The following NRXN1 variants were observed in gnomAD, a reference collection of about 807,000 sequenced individuals.
NRXN1 encodes the protein neurexin-1.
A neutral mutation model predicts 150.9 loss-of-function variants in NRXN1; 39 were observed. The observed-to-expected ratio is 0.26, with a 90% CI of 0.20 to 0.34. The LOEUF (loss-of-function observed/expected upper bound fraction) is 0.34. NRXN1 is among the 10% of genes least tolerant of loss of function. The pLI is 1.00. For synonymous variants in NRXN1, 924 were observed against 757.0 expected (o/e 1.22, Z -3.62); for missense variants, 1,815 against 1,949.9 (o/e 0.93, Z 1.30).
At chr2:50,285,376 C>T (rs2072007379) in intron 17 of NRXN1, among the ~76,000 whole-genome samples, 1 of 152,156 alleles carries the variant, frequency 6.6e-6, no homozygotes. Flanking sequence ...AGAAACCAAG[C>T]CTGGACAGGA....
At chr2:50,715,462 T>C (rs1695746516) in intron 5 of NRXN1, among the ~76,000 whole-genome samples, 1 of 152,204 alleles carries the variant, frequency 6.6e-6, no homozygotes, top group Non-Finnish European at 1.5e-5. Context: ...TAAAAGTGAT[T>C]TGTAAACTGT....
intron 8 of NRXN1, among the ~76,000 whole-genome samples, chr2:50,568,375 G>A (rs12713111): frequency 0.4 from 61,328 of 151,476 alleles, 15,494 homozygotes; most frequent in African/African-American, 0.72. Context: ...AATGGGAGAC[G>A]ATATCTGCAA....
At chr2:50,553,063 T>C in intron 8 of NRXN1, 38 bp from the exon 9 acceptor site, 1 of 1,413,926 alleles carries the variant, frequency 7.1e-7, no homozygotes, top group Non-Finnish European at 9.6e-7. Flanking sequence ...CTAGCCTCCA[T>C]ATTTTAATAT....
At chr2:50,551,737 ATT>A (rs1242623002) in intron 9 of NRXN1, among the ~76,000 whole-genome samples, 3 of 151,864 alleles carry the variant, frequency 2.0e-5, no homozygotes, top group Non-Finnish European at 1.5e-5. Flanking sequence ...CTTAAAACAG[ATT>A]TCTCTCTCCT....
intron 5 of NRXN1, among the ~76,000 whole-genome samples, chr2:50,749,901 C>A (rs1700398286): frequency 6.6e-6 from 1 of 152,142 alleles, no homozygotes; most frequent in South Asian, 2.1e-4. Flanking sequence ...TCTTCCACCA[C>A]CCCTAAACTA....
chr2:50,478,527 G>A (rs2104761566), intron 15 of NRXN1, among the ~76,000 whole-genome samples: 1 of 152,284 alleles, frequency 6.6e-6, no homozygotes, highest in South Asian at 2.1e-4. Flanking sequence ...ACTCTCCGCT[G>A]AAGAGATGTT....
At chr2:50,511,769 G>C (rs569654317) in intron 12 of NRXN1, among the ~76,000 whole-genome samples, 2 of 152,280 alleles carry the variant, frequency 1.3e-5, no homozygotes, top group African/African-American at 2.4e-5. Flanking sequence ...ATGTGGGTGT[G>C]TGTGTGTGAG....
chr2:50,138,070 G>A (rs72878193), intron 18 of NRXN1, among the ~76,000 whole-genome samples: 25,807 of 152,034 alleles, frequency 0.17, 2,670 homozygotes, highest in East Asian at 0.37. Context: ...AAATGTAAAC[G>A]TAAAAAAGAA....
intron 17 of NRXN1, among the ~76,000 whole-genome samples, chr2:50,380,749 A>G (rs2080899269): frequency 6.6e-6 from 1 of 152,138 alleles, no homozygotes; most frequent in Admixed American, 6.6e-5. Flanking sequence ...GCCACCCGTT[A>G]TAGTGCAGTA....
chr2:50,325,295 G>T (rs1170128617), intron 17 of NRXN1, among the ~76,000 whole-genome samples: 19 of 152,176 alleles, frequency 1.2e-4, no homozygotes, highest in Admixed American at 1.2e-3. Context: ...CAGAAAAGAT[G>T]AGTGCTGATA....
intron 5 of NRXN1, among the ~76,000 whole-genome samples, chr2:50,780,772 A>G (rs1317947768): frequency 6.6e-6 from 1 of 152,148 alleles, no homozygotes. Context: ...ACTTTTTTAT[A>G]TGATATGAAA....
At chr2:50,873,350 T>C (rs1331724696) in intron 5 of NRXN1, among the ~76,000 whole-genome samples, 1 of 151,910 alleles carries the variant, frequency 6.6e-6, no homozygotes, top group Non-Finnish European at 1.5e-5. Flanking sequence ...ATAGAATTCA[T>C]GTGCTTTGGG....
chr2:49,932,972 T>C (rs1345813595), intron 22 of NRXN1, among the ~76,000 whole-genome samples: 3 of 152,218 alleles, frequency 2.0e-5, no homozygotes, highest in Admixed American at 2.0e-4. Flanking sequence ...ATATACTCAG[T>C]GTGTCTGCAT....
At chr2:50,542,614 A>C (rs2093416117) in intron 9 of NRXN1, among the ~76,000 whole-genome samples, 1 of 152,240 alleles carries the variant, frequency 6.6e-6, no homozygotes, top group African/African-American at 2.4e-5. Flanking sequence ...AAAGTAAAGA[A>C]TTTAGTTCAA....
At chr2:50,462,603 C>T (rs112056883) in intron 17 of NRXN1, among the ~76,000 whole-genome samples, 198 of 151,912 alleles carry the variant, frequency 1.3e-3, no homozygotes, top group African/African-American at 4.6e-3. Context: ...CACATACACA[C>T]ATGCACAAAA....
intron 17 of NRXN1, among the ~76,000 whole-genome samples, chr2:50,427,404 C>A (rs2104330670): frequency 6.6e-6 from 1 of 151,138 alleles, no homozygotes; most frequent in East Asian, 1.9e-4. Context: ...ACAACTCATC[C>A]ATATCTCTCG....
intron 13 of NRXN1, among the ~76,000 whole-genome samples, chr2:50,506,089 C>T (rs138390000): frequency 1.3e-3 from 203 of 152,050 alleles, no homozygotes; most frequent in Admixed American, 2.8e-3. Context: ...TAGATAAACG[C>T]CAGTATATCT....
At chr2:50,329,684 TC>T (rs1231007894) in intron 17 of NRXN1, among the ~76,000 whole-genome samples, 1 of 86,506 alleles carries the variant, frequency 1.2e-5, no homozygotes, top group Admixed American at 1.5e-4. Context: ...TTTTTTTTTT[TC>T]CCCCCCGAGA....
intron 12 of NRXN1, among the ~76,000 whole-genome samples, chr2:50,514,030 A>G (rs771749365): frequency 3.3e-5 from 5 of 152,144 alleles, no homozygotes; most frequent in Non-Finnish European, 5.9e-5. Context: ...GTGCAAACCA[A>G]TTGGTTCTAA....
Sources: allele counts gnomAD v4.1 joint callset (sites outside exome capture counted in the v4.1 genomes callset), GRCh38; gene constraint gnomAD v4.1.1; transcripts MANE v1.5; gene names NCBI Gene and HGNC (gene_info 2026-07-23, HGNC 2026-07-21).